Variants in RELL1 observed in about 807,000 individuals in gnomAD.
The protein encoded by RELL1 is RELT-like protein 1.
In RELL1, 10 loss-of-function variants were observed where a neutral mutation model predicts 23.0. The observed-to-expected ratio is 0.43, with a 90% CI of 0.27 to 0.74. The LOEUF is 0.74. RELL1 is among the 30% of genes least tolerant of loss of function. RELL1 has a pLI of 0.19. For missense variants in RELL1, 315 were observed against 364.4 expected (o/e 0.86, Z 1.10); for synonymous variants, 146 against 146.8 (o/e 0.99, Z 0.04).
intron 6 of RELL1, chr4:37,623,053 T>G: frequency 2.6e-5 from 9 of 340,518 alleles, no homozygotes; most frequent in South Asian, 2.0e-4. Context: ...TCTGCCCACC[T>G]TGGCCTCCCA....
intron 3 of RELL1, among the ~76,000 whole-genome samples, chr4:37,644,488 G>C (rs1295110937): frequency 2.6e-5 from 3 of 117,124 alleles, no homozygotes; most frequent in African/African-American, 5.7e-5. Context: ...TTGAGACAGA[G>C]TCTCACTCTG....
chr4:37,590,040 C>A, downstream of RELL1: 1 of 1,353,984 alleles, frequency 7.4e-7, no homozygotes, highest in Non-Finnish European at 1.0e-6. Flanking sequence ...TGGTAAAAAG[C>A]ATTAATGATG....
At chr4:37,600,435 G>C (rs1189600564) in intron 6 of RELL1, among the ~76,000 whole-genome samples, 1 of 151,992 alleles carries the variant, frequency 6.6e-6, no homozygotes, top group East Asian at 1.9e-4. Flanking sequence ...TCTAAACTGG[G>C]TAAGTTCTGT....
chr4:37,649,323 G>A lies in RELL1; in HGVS notation c.266C>T (p.Thr89Ile). The A allele has an allele frequency of 6.2e-7, 1 of 1,614,166 alleles. No homozygotes were observed. Among genetic ancestry groups the A allele is most frequent in the South Asian group, 1.1e-5 (1 of 91,080 alleles). Residue 89 changes from threonine (T) to isoleucine (I), a missense_variant, in exon 2 of 7, where the codon ACA becomes ATA. Physicochemically the swap from Thr to Ile is moderately conservative, Grantham distance 89 (BLOSUM62 -1). Coordinates refer to ENST00000454158, the MANE Select transcript of RELL1 (RefSeq NM_001085400.2). ...TTCGATATCTTGCTCTGCTTCTGTTGTACAACGATAGCCTTTCTTCTTAAG... is the reference window on the plus strand; with the variant it reads ...TTCGATATCTTGCTCTGCTTCTGTTATACAACGATAGCCTTTCTTCTTAAG... ...HLLKKKGYRCTTEAEQDIEEE... is the reference protein window; with the variant it reads ...HLLKKKGYRCITEAEQDIEEE...
intron 1 of RELL1, among the ~76,000 whole-genome samples, chr4:37,650,431 C>T (rs1021362709): frequency 3.9e-5 from 6 of 152,140 alleles, no homozygotes; most frequent in South Asian, 2.1e-4. Context: ...TGATGAACAA[C>T]GTAACGTAGC....
chr4:37,590,498 T>G, downstream of RELL1: 1 of 1,613,820 alleles, frequency 6.2e-7, no homozygotes, highest in South Asian at 1.1e-5. Flanking sequence ...CAGGACTGTG[T>G]GCTGCTGGCC....
At chr4:37,654,164 C>G (rs2109289029) in intron 1 of RELL1, among the ~76,000 whole-genome samples, 1 of 152,306 alleles carries the variant, frequency 6.6e-6, no homozygotes, top group East Asian at 1.9e-4. Context: ...AAAAGACCTG[C>G]ATTATTCAGT....
rs1721723311 is a variant in RELL1, at chr4:37,669,419, G to A, written c.88+16781C>T. ...GTCCGGGAGGGAGGTGGGGGGGTCA[G>A]CCCCCCACCCGGCCAGCCACCCCGT... is the stretch of plus-strand genomic sequence containing the variant. On this transcript the variant is annotated intron_variant, in intron 1 of 6. Coordinates refer to ENST00000454158, the MANE Select transcript of RELL1 (RefSeq NM_001085400.2). 1.3e-5 allele frequency among the ~76,000 whole-genome samples: 2 copies of A among 149,468 alleles called. 1 individual carries two copies. The highest frequency in any genetic ancestry group is 1.3e-4 in the Admixed American group (2 of 15,146).
At chr4:37,631,137 T>C (rs192948747) in intron 6 of RELL1, among the ~76,000 whole-genome samples, 2 of 152,242 alleles carry the variant, frequency 1.3e-5, no homozygotes, top group African/African-American at 4.8e-5. Context: ...GCCTCACAAG[T>C]AATCCTCTAT....
chr4:37,649,534 T>C, intron 1 of RELL1, 34 bp from the exon 2 acceptor site: 1 of 1,574,468 alleles, frequency 6.4e-7, no homozygotes, highest in Non-Finnish European at 8.7e-7. Context: ...GCATTAGATA[T>C]CTGTCCAGGG....
intron 6 of RELL1, among the ~76,000 whole-genome samples, chr4:37,605,209 C>CA (rs1553871586): frequency 5.3e-5 from 8 of 152,042 alleles, no homozygotes; most frequent in South Asian, 2.1e-4. Context: ...CAGATAGATA[C>CA]AAAAAATACA....
At chr4:37,680,886 C>T (rs554963904) in intron 1 of RELL1, among the ~76,000 whole-genome samples, 27 of 145,870 alleles carry the variant, frequency 1.9e-4, no homozygotes, top group East Asian at 6.0e-4. Flanking sequence ...GAGCTGAGAT[C>T]GCGCCGCTGC....
downstream of RELL1, among the ~76,000 whole-genome samples, chr4:37,606,400 C>A (rs975424453): frequency 2.0e-5 from 3 of 152,104 alleles, no homozygotes; most frequent in African/African-American, 7.2e-5. This position sits in a 1 kb window ranked among gnomAD's most constrained non-coding sequence, Gnocchi z 4.1. Context: ...GAATGATATC[C>A]CCCACAAGAC....
At chr4:37,590,278 G>GA (rs752488878), downstream of RELL1, 18 of 1,614,008 alleles carry the variant, frequency 1.1e-5, no homozygotes, top group Non-Finnish European at 1.5e-5. Context: ...TGATCCATGG[G>GA]AGCCCTGCTG....
intron 1 of RELL1, among the ~76,000 whole-genome samples, chr4:37,652,925 C>A (rs1033478714): frequency 2.6e-5 from 4 of 152,188 alleles, no homozygotes; most frequent in Non-Finnish European, 1.5e-5. Flanking sequence ...TGGCCACATA[C>A]TAGACATGTC....
intron 1 of RELL1, among the ~76,000 whole-genome samples, chr4:37,658,213 C>T (rs1721196481): frequency 6.6e-6 from 1 of 151,880 alleles, no homozygotes; most frequent in African/African-American, 2.4e-5. Context: ...AGATGTGCAC[C>T]CCAAATCTCT....
At chr4:37,624,725 A>G (rs532266912) in intron 6 of RELL1, among the ~76,000 whole-genome samples, 97 of 152,152 alleles carry the variant, frequency 6.4e-4, no homozygotes, top group Non-Finnish European at 1.1e-3. Flanking sequence ...CACCGCGCCC[A>G]GCCGGGAATG....
intron 1 of RELL1, among the ~76,000 whole-genome samples, chr4:37,655,586 C>A (rs1387869809): frequency 6.6e-6 from 1 of 152,184 alleles, no homozygotes; most frequent in Non-Finnish European, 1.5e-5. Flanking sequence ...AAGGAGGAAA[C>A]TTTGCTGACA....
At chr4:37,641,809 T>C (rs1320170968) in intron 3 of RELL1, among the ~76,000 whole-genome samples, 2 of 152,178 alleles carry the variant, frequency 1.3e-5, no homozygotes, top group Admixed American at 1.3e-4. Flanking sequence ...AAAACTAACA[T>C]TGCCATCACC....
Sources: gnomAD v4.1 joint callset for allele counts (sites outside exome capture counted in the v4.1 genomes callset) on GRCh38, gnomAD v4.1.1 for gene constraint, Gnocchi (gnomAD v3.1) non-coding constraint, MANE v1.5 for transcripts, NCBI Gene and HGNC (gene_info 2026-07-23, HGNC 2026-07-21) for gene names.